The following AGTPBP1 variants were observed in gnomAD, a reference collection of about 807,000 sequenced individuals.
AGTPBP1 encodes cytosolic carboxypeptidase 1.
AGTPBP1 carries 70 observed loss-of-function variants against 143.9 expected under a neutral mutation model. The observed-to-expected ratio is 0.49, with a 90% CI of 0.40 to 0.59. AGTPBP1 has a LOEUF of 0.59. Ranked by LOEUF, AGTPBP1 falls within the 20% of genes least tolerant of loss-of-function variation. The pLI, the probability that AGTPBP1 is intolerant of heterozygous loss-of-function variation, is 0.00. For synonymous variants in AGTPBP1, 463 were observed against 500.2 expected (o/e 0.93, Z 0.99); for missense variants, 1,229 against 1,464.5 (o/e 0.84, Z 2.62).
chr9:85,767,670 C>T, the AGTPBP1 span, among the ~76,000 whole-genome samples: 5 of 151,316 alleles, frequency 3.3e-5, no homozygotes, highest in African/African-American at 9.7e-5. Flanking sequence ...TTAGTAGAGA[C>T]GAGGTCTCGC....
At chr9:85,620,111 GA>G (rs1019972869) in intron 15 of AGTPBP1, among the ~76,000 whole-genome samples, 20 of 148,512 alleles carry the variant, frequency 1.3e-4, no homozygotes, top group East Asian at 1.2e-3. Context: ...AACTTTAAAA[GA>G]AAAAAAAAAG....
At chr9:85,801,940 A>ATATG in the AGTPBP1 span, among the ~76,000 whole-genome samples, 8 of 152,256 alleles carry the variant, frequency 5.3e-5, no homozygotes, top group Admixed American at 1.3e-4. Context: ...GTATGTGTAT[A>ATATG]TATGTATGTA....
intron 12 of AGTPBP1, among the ~76,000 whole-genome samples, chr9:85,643,336 T>C (rs1456477941): frequency 6.6e-6 from 1 of 152,204 alleles, no homozygotes; most frequent in Non-Finnish European, 1.5e-5. Flanking sequence ...TATTATCTAA[T>C]TTATTCTGCA....
chr9:85,682,784 C>T (rs1330805046), intron 3 of AGTPBP1, among the ~76,000 whole-genome samples: 1 of 152,160 alleles, frequency 6.6e-6, no homozygotes, highest in South Asian at 2.1e-4. Context: ...CAAACTCAGG[C>T]TAAGCCTTTA....
chr9:85,627,148 T>C (rs754270442), intron 14 of AGTPBP1, among the ~76,000 whole-genome samples: 4 of 152,238 alleles, frequency 2.6e-5, no homozygotes, highest in Non-Finnish European at 5.9e-5. Context: ...GTTATTTTAA[T>C]ATTGGTTACT....
chr9:85,597,126 A>AT (rs929422217), intron 17 of AGTPBP1, among the ~76,000 whole-genome samples: 4 of 151,092 alleles, frequency 2.6e-5, no homozygotes, highest in Admixed American at 6.6e-5. Flanking sequence ...GGATAGAGTC[A>AT]TTTTTTTTTC....
At chr9:85,583,486 GTGTGTAACACC>G (rs909232992) in intron 23 of AGTPBP1, among the ~76,000 whole-genome samples, 8 of 152,128 alleles carry the variant, frequency 5.3e-5, no homozygotes, top group Admixed American at 5.2e-4. Context: ...GGGGAGGTGT[GTGTGTAACACC>G]TGTTAACATC....
At chr9:85,745,528 G>A (rs1332087420), upstream of AGTPBP1, among the ~76,000 whole-genome samples, 2 of 152,224 alleles carry the variant, frequency 1.3e-5, no homozygotes, top group Non-Finnish European at 2.9e-5. Flanking sequence ...ATAGACCACA[G>A]AACAGAATGT....
the AGTPBP1 span, among the ~76,000 whole-genome samples, chr9:85,805,126 G>A: frequency 6.6e-6 from 1 of 152,190 alleles, no homozygotes; most frequent in Non-Finnish European, 1.5e-5. Context: ...CCCGGCCCCC[G>A]TAGCTCCCTT....
chr9:85,718,024 C>T (rs1467240105), intron 1 of AGTPBP1, among the ~76,000 whole-genome samples: 1 of 152,126 alleles, frequency 6.6e-6, no homozygotes, highest in Non-Finnish European at 1.5e-5. Context: ...TTTTTTATGG[C>T]TGCATAGTAT....
At chr9:85,722,710 C>T (rs955724682) in intron 1 of AGTPBP1, among the ~76,000 whole-genome samples, 24 of 152,168 alleles carry the variant, frequency 1.6e-4, no homozygotes, top group African/African-American at 5.6e-4. Context: ...CAGTTTTGTT[C>T]CTTTGCAGTG....
intron 1 of AGTPBP1, among the ~76,000 whole-genome samples, chr9:85,715,080 C>A (rs1389507580): frequency 6.6e-6 from 1 of 151,892 alleles, no homozygotes; most frequent in East Asian, 1.9e-4. Context: ...AACTCCATCT[C>A]TATCAAAAAT....
At position 85,650,042 on chromosome 9, in the gene AGTPBP1, C is replaced by CTTTTTT. The variant is rs35903806; in HGVS notation, c.1088-3630_1088-3625dup. On this transcript the variant is annotated intron_variant, in intron 11 of 25. Transcript: ENST00000357081. ...GCATCATGCTAGCTTCTAAACTTTC[C>CTTTTTT]TTTTTTTTTTTTTTTTTTTTTCTTG... 4.7e-3 allele frequency among the ~76,000 whole-genome samples: 518 copies of CTTTTTT among 109,154 alleles called. 1 individual carries two copies. The highest frequency in any genetic ancestry group is 5.9e-3 in the South Asian group (20 of 3,372). 71.6% of individuals were successfully genotyped at this position (109,154 alleles called of 152,430 possible). A position where few individuals can be genotyped will look rare whatever the true frequency, so the allele number is the denominator to read the frequency against.
At chr9:85,707,332 G>T (rs1411661868) in intron 2 of AGTPBP1, among the ~76,000 whole-genome samples, 1 of 151,654 alleles carries the variant, frequency 6.6e-6, no homozygotes, top group Non-Finnish European at 1.5e-5. Flanking sequence ...TAAAAAATAA[G>T]AAAAAAAGAG....
chr9:85,765,166 G>A, the AGTPBP1 span: 1 of 332,606 alleles, frequency 3.0e-6, no homozygotes, highest in Non-Finnish European at 5.6e-6. Context: ...CAGGCATTTG[G>A]AAACTATTAA....
chr9:85,760,341 CTTGATGAACATCG>C, the AGTPBP1 span, among the ~76,000 whole-genome samples: 18 of 152,296 alleles, frequency 1.2e-4, no homozygotes, highest in East Asian at 3.3e-3. Flanking sequence ...GACCAATATC[CTTGATGAACATCG>C]ATGCAAAAAT....
the AGTPBP1 span, among the ~76,000 whole-genome samples, chr9:85,787,430 T>C: frequency 6.6e-6 from 1 of 152,098 alleles, no homozygotes. Context: ...TGCTAAAGCA[T>C]CTTTAATGAT....
chr9:85,672,547 C>T lies in AGTPBP1; in HGVS notation c.568+3G>A. The T allele has an allele frequency of 6.2e-7, 1 of 1,606,426 alleles. No individual in the cohort carries two copies. Among genetic ancestry groups the T allele is most frequent in the Non-Finnish European group, 8.5e-7 (1 of 1,177,834 alleles). On this transcript the variant is annotated splice_donor_region_variant and intron_variant, in intron 7 of 25. Transcript: ENST00000357081. Reference sequence around the variant, plus strand: ...GTTAACTAAAAGCCACCTAAATACTCACAGTTGGCAGAATATACTCGTAAA... The same window carrying T: ...GTTAACTAAAAGCCACCTAAATACTTACAGTTGGCAGAATATACTCGTAAA...
At chr9:85,679,574 A>T (rs1835043472) in intron 4 of AGTPBP1, among the ~76,000 whole-genome samples, 2 of 151,670 alleles carry the variant, frequency 1.3e-5, no homozygotes, top group Non-Finnish European at 2.9e-5. Flanking sequence ...CATCCAACTA[A>T]TTTTTTTGTA....
Sources: gnomAD v4.1 joint callset for allele counts (sites outside exome capture counted in the v4.1 genomes callset) on GRCh38, gnomAD v4.1.1 for gene constraint, MANE v1.5 for transcripts, NCBI Gene and HGNC (gene_info 2026-07-23, HGNC 2026-07-21) for gene names.